Variants in CENPW observed in about 807,000 individuals in gnomAD.
The protein encoded by CENPW is centromere protein W.
Under a neutral mutation model 11.1 loss-of-function variants are expected in CENPW, and 3 were observed. The observed-to-expected ratio is 0.27, with a 90% CI of 0.12 to 0.70. CENPW has a LOEUF of 0.70. Ranked by LOEUF, CENPW falls within the 30% of genes least tolerant of loss-of-function variation. The pLI, the probability that CENPW is intolerant of heterozygous loss-of-function variation, is 0.77. For missense variants in CENPW, 100 were observed against 105.6 expected, an observed-to-expected ratio of 0.95 and a Z score of 0.23; for synonymous variants, 38 against 42.0, an observed-to-expected ratio of 0.91 and a Z score of 0.37.
chr6:126,356,595 G>C, the CENPW span, among the ~76,000 whole-genome samples: 1 of 151,998 alleles, frequency 6.6e-6, no homozygotes, highest in East Asian at 1.9e-4. Context: ...AGCTTTGCCA[G>C]CATCTATTAT....
At chr6:126,389,241 A>G in the CENPW span, among the ~76,000 whole-genome samples, 1 of 151,956 alleles carries the variant, frequency 6.6e-6, no homozygotes. Context: ...GCCATGACAC[A>G]GATGTGGGAC....
the CENPW span, among the ~76,000 whole-genome samples, chr6:126,435,691 T>C: frequency 6.6e-6 from 1 of 151,914 alleles, no homozygotes; most frequent in Non-Finnish European, 1.5e-5. Flanking sequence ...CCAATTTTAC[T>C]GCTTAAAAAT....
chr6:126,358,774 G>A, the CENPW span, among the ~76,000 whole-genome samples: 4 of 152,124 alleles, frequency 2.6e-5, no homozygotes, highest in Admixed American at 2.6e-4. Context: ...AGTAGTTTCA[G>A]TAAAATTGGG....
the CENPW span, among the ~76,000 whole-genome samples, chr6:126,401,395 T>G: frequency 6.6e-6 from 1 of 151,982 alleles, no homozygotes; most frequent in Non-Finnish European, 1.5e-5. Flanking sequence ...ACTTTATGCT[T>G]GCTAGCCTAG....
chr6:126,371,259 C>T, the CENPW span, among the ~76,000 whole-genome samples: 5 of 151,980 alleles, frequency 3.3e-5, no homozygotes, highest in African/African-American at 1.2e-4. Context: ...TAAGGTAGGT[C>T]CCTTCTATGG....
chr6:126,403,234 T>C, the CENPW span, among the ~76,000 whole-genome samples: 1 of 152,124 alleles, frequency 6.6e-6, no homozygotes, highest in Admixed American at 6.6e-5. Context: ...TAATAACTTT[T>C]CAGTGGGCTG....
At chr6:126,396,722 G>A in the CENPW span, among the ~76,000 whole-genome samples, 1 of 152,076 alleles carries the variant, frequency 6.6e-6, no homozygotes, top group African/African-American at 2.4e-5. Flanking sequence ...GTTCCTGGGT[G>A]TTACTGCTGG....
At chr6:126,474,460 G>A in the CENPW span, among the ~76,000 whole-genome samples, 4 of 152,072 alleles carry the variant, frequency 2.6e-5, no homozygotes, top group Non-Finnish European at 5.9e-5. Flanking sequence ...TCCTAAGGAC[G>A]TGGAGGTTTG....
At chr6:126,442,907 T>A in the CENPW span, among the ~76,000 whole-genome samples, 1 of 151,246 alleles carries the variant, frequency 6.6e-6, no homozygotes, top group Non-Finnish European at 1.5e-5. Flanking sequence ...TACTTTTTTT[T>A]AGCATTTCAG....
chr6:126,476,957 T>C, the CENPW span, among the ~76,000 whole-genome samples: 2 of 152,012 alleles, frequency 1.3e-5, no homozygotes, highest in Non-Finnish European at 2.9e-5. Flanking sequence ...GTGACTGTTC[T>C]AGCTTAATTC....
At chr6:126,340,422 G>A (rs1323340232) in intron 1 of CENPW, 23 bp downstream of exon 1, 4 of 1,614,014 alleles carry the variant, frequency 2.5e-6, no homozygotes, top group Non-Finnish European at 3.4e-6. Flanking sequence ...CCCTTCTCGG[G>A]CTGGGAATGG....
At chr6:126,430,156 G>T in the CENPW span, among the ~76,000 whole-genome samples, 1 of 152,164 alleles carries the variant, frequency 6.6e-6, no homozygotes, top group Non-Finnish European at 1.5e-5. Flanking sequence ...TGTACTGACT[G>T]CATCTTATGC....
the CENPW span, among the ~76,000 whole-genome samples, chr6:126,396,651 A>G: frequency 6.6e-6 from 1 of 151,978 alleles, no homozygotes; most frequent in African/African-American, 2.4e-5. Flanking sequence ...ATAGTTGGGA[A>G]TGTGCTGGAT....
the CENPW span, among the ~76,000 whole-genome samples, chr6:126,400,269 T>C: frequency 5.3e-5 from 8 of 152,100 alleles, no homozygotes; most frequent in Non-Finnish European, 1.0e-4. Context: ...AATCATTCTG[T>C]TATCTCATAG....
At chr6:126,424,705 A>T in the CENPW span, among the ~76,000 whole-genome samples, 18 of 152,024 alleles carry the variant, frequency 1.2e-4, no homozygotes, top group Admixed American at 1.1e-3. Flanking sequence ...CTTTTGTTGG[A>T]TGGCCATGGG....
the CENPW span, among the ~76,000 whole-genome samples, chr6:126,378,806 G>C: frequency 3.3e-5 from 5 of 151,960 alleles, no homozygotes; most frequent in African/African-American, 9.7e-5. Context: ...GCACTCTTTA[G>C]AGAAAAAGGA....
At chr6:126,391,322 T>C in the CENPW span, among the ~76,000 whole-genome samples, 1 of 151,880 alleles carries the variant, frequency 6.6e-6, no homozygotes, top group Admixed American at 6.6e-5. Context: ...GATTATTAGA[T>C]TTTTTTCCTA....
chr6:126,452,989 C>A, the CENPW span, among the ~76,000 whole-genome samples: 1 of 151,102 alleles, frequency 6.6e-6, no homozygotes, highest in Middle Eastern at 3.4e-3. Flanking sequence ...ATTTAAAGTG[C>A]TAAAAGAAAG....
chr6:126,363,979 C>G, the CENPW span, among the ~76,000 whole-genome samples: 4 of 152,138 alleles, frequency 2.6e-5, no homozygotes, highest in Non-Finnish European at 5.9e-5. Flanking sequence ...AACAGTGTCT[C>G]TTTTTCTTTT....
Sources: gnomAD v4.1 joint callset for allele counts (sites outside exome capture counted in the v4.1 genomes callset) on GRCh38, gnomAD v4.1.1 for gene constraint, MANE v1.5 for transcripts, NCBI Gene and HGNC (gene_info 2026-07-23, HGNC 2026-07-21) for gene names.